The following FMN1 variants were observed in gnomAD, a reference collection of about 807,000 sequenced individuals.
FMN1 encodes the protein formin-1.
Under a neutral mutation model 132.4 loss-of-function variants are expected in FMN1, and 110 were observed. The ratio of observed to expected loss-of-function variants is 0.83; its 90% CI spans 0.71 to 0.97. The LOEUF (loss-of-function observed/expected upper bound fraction) is 0.97, where lower values mean the gene tolerates loss of function less well. FMN1 is among the 50% of genes least tolerant of loss of function. FMN1 has a pLI of 0.00. For synonymous variants in FMN1, 722 were observed against 651.7 expected (o/e 1.11, Z -1.64); for missense variants, 1,792 against 1,705.3 (o/e 1.05, Z -0.90).
intron 17 of FMN1, among the ~76,000 whole-genome samples, chr15:32,831,434 T>C (rs775569883): frequency 3.9e-5 from 6 of 152,044 alleles, no homozygotes; most frequent in Non-Finnish European, 5.9e-5. Flanking sequence ...ATAAAACAGG[T>C]GGGGCTTGAT....
chr15:33,164,618 G>T (rs1965025084), intron 3 of FMN1, among the ~76,000 whole-genome samples: 1 of 152,132 alleles, frequency 6.6e-6, no homozygotes, highest in African/African-American at 2.4e-5. Flanking sequence ...CCTTTTCAAA[G>T]CTTAATTACA....
At chr15:32,954,771 C>G (rs1366837286) in intron 9 of FMN1, among the ~76,000 whole-genome samples, 1 of 151,614 alleles carries the variant, frequency 6.6e-6, no homozygotes, top group Non-Finnish European at 1.5e-5. Flanking sequence ...TTTGGGAGGT[C>G]AAGGTGGGCG....
chr15:32,798,737 G>T, intron 19 of FMN1, 67 bp downstream of exon 19: 1 of 1,346,122 alleles, frequency 7.4e-7, no homozygotes, highest in South Asian at 1.4e-5. Context: ...GACACACTTT[G>T]ATAGGTTTAA....
chr15:32,830,597 TAAATAA>T (rs2058476081), intron 17 of FMN1, among the ~76,000 whole-genome samples: 2 of 152,336 alleles, frequency 1.3e-5, no homozygotes, highest in South Asian at 4.1e-4. Flanking sequence ...GAGGATACTA[TAAATAA>T]AGTGTGAAAT....
intron 4 of FMN1, among the ~76,000 whole-genome samples, chr15:33,094,774 G>A (rs2039018806): frequency 6.6e-6 from 1 of 152,134 alleles, no homozygotes; most frequent in African/African-American, 2.4e-5. Context: ...AATACTAGTT[G>A]AGGGATGTGT....
chr15:33,185,592 C>G (rs1242322214), intron 2 of FMN1, among the ~76,000 whole-genome samples: 1 of 81,000 alleles, frequency 1.2e-5, no homozygotes. Flanking sequence ...TTTTTTTTTA[C>G]ACAGAGTTTC....
intron 17 of FMN1, among the ~76,000 whole-genome samples, chr15:32,828,109 A>G (rs943989481): frequency 1.3e-5 from 2 of 152,126 alleles, no homozygotes; most frequent in African/African-American, 4.8e-5. Flanking sequence ...CCTGACCAAC[A>G]TGGTGAAATA....
chr15:33,096,096 T>C (rs1300272701), intron 4 of FMN1, among the ~76,000 whole-genome samples: 3 of 152,146 alleles, frequency 2.0e-5, no homozygotes, highest in African/African-American at 7.2e-5. Context: ...CTGAGTGTCC[T>C]TGCAACATAG....
chr15:33,150,678 C>T, intron 4 of FMN1: 1 of 985,492 alleles, frequency 1.0e-6, no homozygotes, highest in Non-Finnish European at 1.2e-6. Context: ...AGTCTTCCAA[C>T]TGGAAACAGA....
intron 12 of FMN1, among the ~76,000 whole-genome samples, chr15:32,904,930 A>C (rs1439618889): frequency 1.3e-5 from 2 of 152,156 alleles, no homozygotes; most frequent in African/African-American, 4.8e-5. Context: ...ACTCTCTTAA[A>C]TATTCCCAAG....
rs889387976 is a variant in FMN1 at position 32,773,400 on chromosome 15, T to G, written c.*910A>C. The G allele has an allele frequency of 6.6e-6, 1 of 152,168 alleles. No homozygotes were observed. Among genetic ancestry groups the G allele is most frequent in the African/African-American group, 2.4e-5 (1 of 41,420 alleles). The allele number at this position is 152,168 out of a possible 1,614,324, so 9.4% of individuals were successfully genotyped here. A position where few individuals can be genotyped will look rare whatever the true frequency, so the allele number is the denominator to read the frequency against. On this transcript the variant is annotated 3_prime_UTR_variant, in exon 21 of 21. Transcript: ENST00000616417. ...AGCTGCACAGTCACAGCACATAACG[T>G]AGAACTCGGCTGCGTATCAACACAA...
chr15:32,866,398 A>G (rs2059394625), intron 16 of FMN1, among the ~76,000 whole-genome samples: 3 of 152,206 alleles, frequency 2.0e-5, no homozygotes. Flanking sequence ...CATGTGAAAA[A>G]AAAGCATTTT....
intron 4 of FMN1, among the ~76,000 whole-genome samples, chr15:33,134,838 C>T (rs1286288582): frequency 6.6e-6 from 1 of 152,162 alleles, no homozygotes; most frequent in Non-Finnish European, 1.5e-5. Flanking sequence ...CCCATCTCTA[C>T]TAAAAGTACA....
intron 6 of FMN1, among the ~76,000 whole-genome samples, chr15:33,058,998 G>C (rs1191292081): frequency 2.6e-5 from 4 of 152,246 alleles, no homozygotes; most frequent in Admixed American, 2.0e-4. Flanking sequence ...TATTTCTCCT[G>C]TTTATCTAAA....
At chr15:32,858,259 A>G (rs1022284419) in intron 16 of FMN1, among the ~76,000 whole-genome samples, 4 of 152,224 alleles carry the variant, frequency 2.6e-5, no homozygotes, top group African/African-American at 7.2e-5. Flanking sequence ...GCAAAGCAAT[A>G]AACATGTCAG....
chr15:32,976,687 T>G (rs1340545437), intron 7 of FMN1, among the ~76,000 whole-genome samples: 1 of 152,148 alleles, frequency 6.6e-6, no homozygotes, highest in Non-Finnish European at 1.5e-5. Flanking sequence ...TAATTAGAAC[T>G]TGCTGGGAGG....
chr15:33,101,641 T>C (rs2039298123), intron 4 of FMN1, among the ~76,000 whole-genome samples: 1 of 152,086 alleles, frequency 6.6e-6, no homozygotes, highest in Non-Finnish European at 1.5e-5. Context: ...AAACCAAAAA[T>C]ACAGCTATTT....
chr15:33,048,644 A>AACAAAAAAAAAAAAAAAAAC (rs1555388955), intron 6 of FMN1, among the ~76,000 whole-genome samples: 4 of 86,918 alleles, frequency 4.6e-5, no homozygotes, highest in African/African-American at 8.2e-5. Flanking sequence ...AAAAAAAAAA[A>AACAAAAAAAAAAAAAAAAAC]AAAAACCAAC....
chr15:32,986,563 A>G (rs191897280), intron 7 of FMN1, among the ~76,000 whole-genome samples: 4 of 152,286 alleles, frequency 2.6e-5, no homozygotes, highest in African/African-American at 7.2e-5. Context: ...AATTTTAATT[A>G]TACATGTATA....
Sources: gnomAD v4.1 joint callset for allele counts (sites outside exome capture counted in the v4.1 genomes callset) on GRCh38, gnomAD v4.1.1 for gene constraint, MANE v1.5 for transcripts, NCBI Gene and HGNC (gene_info 2026-07-23, HGNC 2026-07-21) for gene names.